CCL26: variants seen among roughly 807,000 people sequenced by gnomAD.
The protein encoded by CCL26 is C-C motif chemokine ligand 26, also known as C-C motif chemokine 26.
A neutral mutation model predicts 10.7 loss-of-function variants in CCL26; 10 were observed. That is an observed-to-expected ratio of 0.93 (90% confidence interval 0.57 to 1.58). CCL26 has a LOEUF of 1.58. CCL26 is among the 40% of genes most tolerant of loss of function. The probability of loss-of-function intolerance (pLI) is 0.00; values close to 1 mark genes in which losing one functional copy is unlikely to be tolerated. For synonymous variants in CCL26, 43 were observed against 41.4 expected (o/e 1.04, Z -0.15); for missense variants, 116 against 111.0 (o/e 1.05, Z -0.20).
At chr7:75,783,089 A>G (rs1365306178) in intron 1 of CCL26, among the ~76,000 whole-genome samples, 1 of 152,100 alleles carries the variant, frequency 6.6e-6, no homozygotes, top group Non-Finnish European at 1.5e-5. Context: ...TTCCTCTTAG[A>G]GAGGTGGTTG....
upstream of CCL26, among the ~76,000 whole-genome samples, chr7:75,774,785 G>T (rs1802898781): frequency 6.6e-6 from 1 of 151,872 alleles, no homozygotes; most frequent in Admixed American, 6.6e-5. Context: ...GAGTATGGTG[G>T]CATGTGCACC....
At chr7:75,772,758 T>A (rs1409572518), upstream of CCL26, among the ~76,000 whole-genome samples, 1 of 151,316 alleles carries the variant, frequency 6.6e-6, no homozygotes, top group Non-Finnish European at 1.5e-5. Context: ...AAGAAGAGAA[T>A]TTGGGAGAAG....
chr7:75,775,155 G>A (rs1429924563), upstream of CCL26, among the ~76,000 whole-genome samples: 1 of 151,972 alleles, frequency 6.6e-6, no homozygotes, highest in African/African-American at 2.4e-5. Context: ...GGAGGCAGAG[G>A]TTGCAGTGAG....
Position 75,771,909 on chromosome 7 carries a change from G to T in CCL26, c.168C>A (p.Ser56Arg), listed in dbSNP as rs781930354. The T allele has an allele frequency of 2.5e-6, 4 of 1,612,964 alleles. No homozygotes were observed. Among genetic ancestry groups the T allele is most frequent in the Admixed American group, 1.7e-5 (1 of 60,022 alleles). Residue 56 changes from serine (S) to arginine (R), a missense_variant, in exon 2 of 3, where the codon AGC becomes AGA. Transcript: ENST00000005180. ...CTCACATCACAGCCCGCTGGGAGCA[G>T]CTGTTACTGGTGAATTCATAGCTTC... The part of the protein sequence containing the change: ...WVRSYEFTSN[S>R]CSQRAVIFTT...
At chr7:75,770,939 C>G (rs1802808331) in intron 2 of CCL26, among the ~76,000 whole-genome samples, 1 of 152,176 alleles carries the variant, frequency 6.6e-6, no homozygotes, top group Non-Finnish European at 1.5e-5. Context: ...TGTGGGCCCA[C>G]TCATAGGCAG....
chr7:75,776,490 A>G (rs1554528709), upstream of CCL26, among the ~76,000 whole-genome samples: 4 of 148,992 alleles, frequency 2.7e-5, no homozygotes. Flanking sequence ...GCAGTGAGCT[A>G]CGATTGCATC....
rs371148645 is a variant in CCL26 at position 75,772,067 on chromosome 7, G to A, written c.73+37C>T. The A allele has an allele frequency of 2.5e-6, 4 of 1,607,996 alleles. No individual in the cohort carries two copies. In the African/African-American group the frequency reaches 4.0e-5, roughly 16 times the overall value. On this transcript the variant is annotated intron_variant, in intron 1 of 2. Coordinates refer to ENST00000005180, the MANE Select transcript of CCL26 (RefSeq NM_001371938.1). ...TTCCATCCACTCCCAGGCGGTCCGG[G>A]AAGGAACCCCAGGAGGGGAATGGGC...
intron 1 of CCL26, among the ~76,000 whole-genome samples, chr7:75,779,684 G>A (rs377712262): frequency 6.6e-5 from 10 of 152,350 alleles, no homozygotes; most frequent in South Asian, 2.1e-4. Context: ...ACGCGGGGAC[G>A]CGTGCCTGAT....
At chr7:75,788,572 C>T (rs1171448127) in intron 1 of CCL26, among the ~76,000 whole-genome samples, 2 of 152,044 alleles carry the variant, frequency 1.3e-5, no homozygotes, top group Non-Finnish European at 2.9e-5. Flanking sequence ...AAACCCATCT[C>T]TACTAAAAGT....
At chr7:75,785,593 C>T (rs1452747662) in intron 1 of CCL26, among the ~76,000 whole-genome samples, 1 of 152,160 alleles carries the variant, frequency 6.6e-6, no homozygotes, top group African/African-American at 2.4e-5. Context: ...ACCCCAACAC[C>T]TTCTACTTAA....
At chr7:75,787,030 C>G (rs368630421) in intron 1 of CCL26, among the ~76,000 whole-genome samples, 2 of 152,286 alleles carry the variant, frequency 1.3e-5, no homozygotes, top group Admixed American at 1.3e-4. Context: ...GATTTGCCCC[C>G]GCCCAGGACT....
intron 1 of CCL26, among the ~76,000 whole-genome samples, chr7:75,782,317 G>C (rs1452662468): frequency 6.6e-6 from 1 of 152,084 alleles, no homozygotes; most frequent in Non-Finnish European, 1.5e-5. Context: ...ACGCCTCTCT[G>C]ATTATTCACC....
At chr7:75,781,065 G>T (rs1803049379) in intron 1 of CCL26, among the ~76,000 whole-genome samples, 1 of 152,164 alleles carries the variant, frequency 6.6e-6, no homozygotes, top group Admixed American at 6.5e-5. Flanking sequence ...ACCCAGCCCA[G>T]TTCATGGCCC....
At chr7:75,781,667 T>C (rs1399811752) in intron 1 of CCL26, among the ~76,000 whole-genome samples, 1 of 152,132 alleles carries the variant, frequency 6.6e-6, no homozygotes, top group Non-Finnish European at 1.5e-5. Flanking sequence ...ACTGATGACA[T>C]TACCTTGTGA....
At chr7:75,778,855 G>GGGC (rs1195474388) in intron 1 of CCL26, among the ~76,000 whole-genome samples, 3 of 151,840 alleles carry the variant, frequency 2.0e-5, no homozygotes, top group African/African-American at 7.3e-5. Flanking sequence ...AGGTGGGGGG[G>GGGC]GCAGATCACT....
At chr7:75,771,357 T>C (rs1327461351) in intron 2 of CCL26, among the ~76,000 whole-genome samples, 4 of 152,210 alleles carry the variant, frequency 2.6e-5, no homozygotes, top group African/African-American at 7.2e-5. Context: ...ATTTAATTGT[T>C]AGCCACATTT....
At chr7:75,784,164 G>A (rs1803129687) in intron 1 of CCL26, among the ~76,000 whole-genome samples, 2 of 152,190 alleles carry the variant, frequency 1.3e-5, no homozygotes, top group South Asian at 4.2e-4. Flanking sequence ...AGCTGCCAGG[G>A]GTTCCTCCAG....
At chr7:75,782,640 G>A (rs1554529573) in intron 1 of CCL26, among the ~76,000 whole-genome samples, 1 of 151,980 alleles carries the variant, frequency 6.6e-6, no homozygotes, top group East Asian at 1.9e-4. Flanking sequence ...ATACCGCTTG[G>A]CCCAATACAA....
At chr7:75,779,471 T>C (rs1554529165) in intron 1 of CCL26, among the ~76,000 whole-genome samples, 2 of 152,166 alleles carry the variant, frequency 1.3e-5, no homozygotes. Context: ...TGGCCTCTCT[T>C]TACTCTCTTC....
Sources: allele counts gnomAD v4.1 joint callset (sites outside exome capture counted in the v4.1 genomes callset), GRCh38; gene constraint gnomAD v4.1.1; transcripts MANE v1.5; gene names NCBI Gene and HGNC (gene_info 2026-07-23, HGNC 2026-07-21).